Variants in CHCHD6 observed in about 807,000 individuals in gnomAD.
The protein encoded by CHCHD6 is MICOS complex subunit MIC25.
In CHCHD6, 28 loss-of-function variants were observed where a neutral mutation model predicts 32.3. That is an observed-to-expected ratio of 0.87 (90% CI 0.64 to 1.19). CHCHD6 has a LOEUF of 1.19. CHCHD6 is among the 50% of genes most tolerant of loss of function. The pLI, the probability that CHCHD6 is intolerant of heterozygous loss-of-function variation, is 0.00. For synonymous variants in CHCHD6, 122 were observed against 117.5 expected (o/e 1.04, Z -0.25); for missense variants, 333 against 307.0 (o/e 1.08, Z -0.63).
At chr3:126,745,736 C>A (rs1266474541) in intron 4 of CHCHD6, among the ~76,000 whole-genome samples, 1 of 152,186 alleles carries the variant, frequency 6.6e-6, no homozygotes, top group Non-Finnish European at 1.5e-5. Flanking sequence ...CTAAAACAGA[C>A]CTTCCAGATC....
intron 1 of CHCHD6, among the ~76,000 whole-genome samples, chr3:126,719,146 G>A (rs1935159728): frequency 6.6e-6 from 1 of 152,156 alleles, no homozygotes; most frequent in Admixed American, 6.5e-5. Flanking sequence ...TCTAGCCTGT[G>A]CCTGCCCCTC....
chr3:126,842,906 T>G (rs1297705232), intron 4 of CHCHD6, among the ~76,000 whole-genome samples: 3 of 151,916 alleles, frequency 2.0e-5, no homozygotes, highest in Non-Finnish European at 2.9e-5. Context: ...TATTTAATTT[T>G]GGGAGTAGTG....
chr3:126,862,411 T>C (rs1319849704), intron 5 of CHCHD6, among the ~76,000 whole-genome samples: 5 of 118,390 alleles, frequency 4.2e-5, no homozygotes, highest in African/African-American at 9.8e-5. Context: ...CACCACCTCC[T>C]CCTCCACCAT....
intron 4 of CHCHD6, among the ~76,000 whole-genome samples, chr3:126,844,375 A>G (rs564596241): frequency 1.7e-4 from 26 of 152,256 alleles, no homozygotes; most frequent in Non-Finnish European, 3.4e-4. Context: ...GATTTGCTTT[A>G]TGTATTTAGG....
intron 4 of CHCHD6, among the ~76,000 whole-genome samples, chr3:126,765,826 C>G (rs1347767968): frequency 2.0e-5 from 3 of 152,220 alleles, no homozygotes; most frequent in Non-Finnish European, 4.4e-5. Flanking sequence ...TAAACACAGA[C>G]TCCCAATCCC....
In CHCHD6 at chr3:126,730,613, G is replaced by A; in HGVS notation, c.249G>A (p.Met83Ile). The change falls in exon 3 of 8, where the codon ATG (methionine) becomes ATA (isoleucine). Residue 83 changes from methionine (M) to isoleucine (I), a missense_variant. Met to Ile is a conservative substitution (Grantham distance 10). Transcript: ENST00000290913. ...GSSGGQQPSG[M>I]KEGVKRYEQE... ...GTGGTGGCCAGCAGCCCTCAGGGAT[G>A]AAGGAGGGTGTCAAGAGGTGAGCCC... is the stretch of plus-strand genomic sequence containing the variant. The A allele has an allele frequency of 1.2e-6, 2 of 1,613,898 alleles. No homozygotes were observed. Among genetic ancestry groups the A allele is most frequent in the Non-Finnish European group, 1.7e-6 (2 of 1,179,886 alleles).
At chr3:126,720,175 C>T (rs1239331094) in intron 1 of CHCHD6, among the ~76,000 whole-genome samples, 1 of 152,356 alleles carries the variant, frequency 6.6e-6, no homozygotes, top group Middle Eastern at 3.4e-3. Flanking sequence ...AGCCACTGCA[C>T]CCAGCCAAGA....
In CHCHD6 at chr3:126,730,602, C is replaced by G; in HGVS notation, c.238C>G (p.Pro80Ala). 1.2e-6 allele frequency: 2 copies of G among 1,613,888 alleles called. No homozygotes were observed. The highest frequency in any genetic ancestry group is 1.7e-6 in the Non-Finnish European group (2 of 1,179,888). The change falls in exon 3 of 8, where the codon CCC (proline) becomes GCC (alanine). Residue 80 changes from proline to alanine, a missense_variant. Coordinates refer to ENST00000290913, the MANE Select transcript of CHCHD6 (RefSeq NM_032343.3). ...PRSGSSGGQQ[P>A]SGMKEGVKRY... Reference sequence around the variant, plus strand: ...GTCGGGGAGCAGTGGTGGCCAGCAGCCCTCAGGGATGAAGGAGGGTGTCAA... The same window carrying G: ...GTCGGGGAGCAGTGGTGGCCAGCAGGCCTCAGGGATGAAGGAGGGTGTCAA...
chr3:126,734,285 G>C (rs977279445), intron 4 of CHCHD6, among the ~76,000 whole-genome samples: 1 of 152,218 alleles, frequency 6.6e-6, no homozygotes, highest in African/African-American at 2.4e-5. Flanking sequence ...AAGGAAGTTG[G>C]GGGAGGGAAG....
At chr3:126,859,862 C>T (rs573719308) in intron 5 of CHCHD6, among the ~76,000 whole-genome samples, 4 of 152,322 alleles carry the variant, frequency 2.6e-5, no homozygotes, top group African/African-American at 2.4e-5. Flanking sequence ...ACATTGAGGA[C>T]GAAGTGAGGC....
chr3:126,921,958 A>G (rs1471580668), intron 6 of CHCHD6, among the ~76,000 whole-genome samples: 1 of 152,234 alleles, frequency 6.6e-6, no homozygotes, highest in Non-Finnish European at 1.5e-5. Context: ...TTTAATCCAG[A>G]TAACATTCGT....
intron 6 of CHCHD6, among the ~76,000 whole-genome samples, chr3:126,918,465 AT>A (rs1391871739): frequency 6.6e-6 from 1 of 152,260 alleles, no homozygotes; most frequent in Non-Finnish European, 1.5e-5. Context: ...AGCTTATAAC[AT>A]TTGGGGAATG....
At chr3:126,756,463 G>A (rs1936960931) in intron 4 of CHCHD6, among the ~76,000 whole-genome samples, 1 of 152,146 alleles carries the variant, frequency 6.6e-6, no homozygotes, top group African/African-American at 2.4e-5. Flanking sequence ...CCATTCTGAT[G>A]TACATGCCAT....
chr3:126,755,812 ATGTG>A (rs1158795792), intron 4 of CHCHD6, among the ~76,000 whole-genome samples: 1 of 150,286 alleles, frequency 6.7e-6, no homozygotes, highest in African/African-American at 2.5e-5. Flanking sequence ...ACTGTTGTCT[ATGTG>A]TGTGTGTACA....
At chr3:126,862,230 C>T (rs1941932300) in intron 5 of CHCHD6, among the ~76,000 whole-genome samples, 3 of 127,270 alleles carry the variant, frequency 2.4e-5, no homozygotes, top group African/African-American at 3.1e-5. Flanking sequence ...CCTCCTCCTC[C>T]TCCTCCATCA....
intron 4 of CHCHD6, among the ~76,000 whole-genome samples, chr3:126,801,850 C>T (rs543943173): frequency 0.018 from 2,744 of 152,300 alleles, 29 homozygotes; most frequent in Middle Eastern, 0.051. Flanking sequence ...CAGCCGGGTA[C>T]TCCTCTGAGA....
chr3:126,897,362 A>G (rs750074612), intron 5 of CHCHD6, among the ~76,000 whole-genome samples: 3 of 152,220 alleles, frequency 2.0e-5, no homozygotes, highest in Non-Finnish European at 4.4e-5. Context: ...TTTTGGATTA[A>G]TATAGTGGTG....
intron 2 of CHCHD6, among the ~76,000 whole-genome samples, chr3:126,730,191 T>G (rs1935726361): frequency 6.6e-6 from 1 of 152,120 alleles, no homozygotes; most frequent in Non-Finnish European, 1.5e-5. Context: ...CCCGGGAGGT[T>G]GTCCTCATGA....
intron 5 of CHCHD6, among the ~76,000 whole-genome samples, chr3:126,863,579 C>T: frequency 7.3e-6 from 1 of 137,546 alleles, no homozygotes. Flanking sequence ...ATCACCACCT[C>T]CTCCTCTTCC....
Sources: allele counts gnomAD v4.1 joint callset (sites outside exome capture counted in the v4.1 genomes callset), GRCh38; gene constraint gnomAD v4.1.1; transcripts MANE v1.5; gene names NCBI Gene and HGNC (gene_info 2026-07-23, HGNC 2026-07-21).